NRXN1: variants seen among roughly 807,000 people sequenced by gnomAD.
NRXN1 encodes the protein neurexin 1, also known as neurexin-1.
NRXN1 carries 39 observed loss-of-function variants against 150.9 expected under a neutral mutation model. That is an observed-to-expected ratio of 0.26 (90% CI 0.20 to 0.34). The LOEUF is 0.34. NRXN1 is among the 10% of genes least tolerant of loss of function. NRXN1 has a pLI of 1.00. For missense variants in NRXN1, 1,815 were observed against 1,949.9 expected (o/e 0.93, Z 1.30); for synonymous variants, 924 against 757.0 (o/e 1.22, Z -3.62).
chr2:50,965,822 AT>A (rs970296429), intron 2 of NRXN1, among the ~76,000 whole-genome samples: 1 of 151,554 alleles, frequency 6.6e-6, no homozygotes, highest in African/African-American at 2.4e-5. Context: ...TAAGAATGTG[AT>A]TTTCTAGTTA....
chr2:50,240,918 T>C (rs1317019784), intron 17 of NRXN1, among the ~76,000 whole-genome samples: 3 of 151,712 alleles, frequency 2.0e-5, no homozygotes, highest in East Asian at 1.9e-4. Context: ...TAATGAACAC[T>C]GTAACATTGT....
At chr2:50,950,659 C>G (rs1361411823) in intron 2 of NRXN1, among the ~76,000 whole-genome samples, 2 of 152,158 alleles carry the variant, frequency 1.3e-5, no homozygotes, top group Admixed American at 1.3e-4. Context: ...CAAATTCACC[C>G]CCAATTCTAA....
intron 5 of NRXN1, among the ~76,000 whole-genome samples, chr2:50,839,106 A>G (rs1213651434): frequency 1.3e-5 from 2 of 152,174 alleles, no homozygotes; most frequent in Non-Finnish European, 2.9e-5. Context: ...AAGTTCATCA[A>G]GTTAATTCCT....
At chr2:50,109,196 C>A (rs1702052535) in intron 18 of NRXN1, among the ~76,000 whole-genome samples, 2 of 152,226 alleles carry the variant, frequency 1.3e-5, no homozygotes, top group South Asian at 2.1e-4. Context: ...TGAACAATGG[C>A]AGTCTGCGAA....
intron 22 of NRXN1, among the ~76,000 whole-genome samples, chr2:49,939,601 C>T (rs1671629557): frequency 6.6e-6 from 1 of 152,158 alleles, no homozygotes; most frequent in Non-Finnish European, 1.5e-5. Context: ...TTTTAACATG[C>T]ACAGTTCCCA....
chr2:50,864,283 A>C (rs1482684457), intron 5 of NRXN1, among the ~76,000 whole-genome samples: 1 of 151,974 alleles, frequency 6.6e-6, no homozygotes, highest in African/African-American at 2.4e-5. Context: ...CATGTATCTG[A>C]TCATCATAAA....
At chr2:51,000,721 A>G (rs1490180893) in intron 2 of NRXN1, among the ~76,000 whole-genome samples, 5 of 151,930 alleles carry the variant, frequency 3.3e-5, no homozygotes, top group Non-Finnish European at 7.4e-5. Flanking sequence ...TAATTTTAAT[A>G]TTACAAATGA....
chr2:50,958,323 T>A (rs1046119824), intron 2 of NRXN1, among the ~76,000 whole-genome samples: 2 of 152,124 alleles, frequency 1.3e-5, no homozygotes, highest in Admixed American at 6.6e-5. Context: ...CACCAGAAAC[T>A]CTCAAACGAC....
intron 17 of NRXN1, among the ~76,000 whole-genome samples, chr2:50,459,824 A>C (rs2087978255): frequency 6.6e-6 from 1 of 152,100 alleles, no homozygotes; most frequent in South Asian, 2.1e-4. Context: ...TTTTTAGAGA[A>C]GTAAAATCTA....
In NRXN1 at chr2:50,649,183, G is replaced by C. The variant is rs1685226454; in HGVS notation, c.833-25568C>G. ...TCAAATTTTGGATAGTTTGAATTAT[G>C]TATTAGTTGGGAGGTTCTTCTTTCA... On this transcript the variant is annotated intron_variant, in intron 5 of 22. Transcript: ENST00000401669. 2.4e-5 allele frequency among the ~76,000 whole-genome samples: 3 copies of C among 126,084 alleles called. No individual in the cohort carries two copies. In the South Asian group the frequency reaches 9.0e-4, roughly 38 times the overall value. 82.7% of individuals were successfully genotyped at this position (126,084 alleles called of 152,430 possible). A position where few individuals can be genotyped will look rare whatever the true frequency, so the allele number is the denominator to read the frequency against.
At chr2:50,395,060 A>C (rs1402588447) in intron 17 of NRXN1, among the ~76,000 whole-genome samples, 1 of 151,588 alleles carries the variant, frequency 6.6e-6, no homozygotes. Context: ...ACTTTTTCCC[A>C]TTTCCCTGCT....
chr2:50,278,114 G>T (rs71407588), intron 17 of NRXN1, among the ~76,000 whole-genome samples: 7,374 of 130,660 alleles, frequency 0.056, 300 homozygotes, highest in Middle Eastern at 0.11. Flanking sequence ...TGTTACCCAG[G>T]CTGGAGGGCA....
At chr2:50,959,765 C>T (rs1020280942) in intron 2 of NRXN1, among the ~76,000 whole-genome samples, 1 of 152,064 alleles carries the variant, frequency 6.6e-6, no homozygotes, top group African/African-American at 2.4e-5. Flanking sequence ...GTTATGCACA[C>T]ATACACACAT....
At chr2:50,113,143 T>C (rs1038944071) in intron 18 of NRXN1, among the ~76,000 whole-genome samples, 1 of 152,228 alleles carries the variant, frequency 6.6e-6, no homozygotes, top group African/African-American at 2.4e-5. Context: ...CAACACATCC[T>C]TCAATCCCTA....
chr2:50,280,573 T>A lies in NRXN1; in HGVS notation c.3365-43603A>T, dbSNP rs183782442. ...ATCTATTGGAAGCTCAGCCTCCTCATCTGTAAAGCGGGAGTAACAAAGGCC... is the reference window on the plus strand; with the variant it reads ...ATCTATTGGAAGCTCAGCCTCCTCAACTGTAAAGCGGGAGTAACAAAGGCC... On this transcript the variant is annotated intron_variant, in intron 17 of 22. Coordinates refer to ENST00000401669, the MANE Select transcript of NRXN1 (RefSeq NM_001330078.2). Among the ~76,000 whole-genome samples the A allele has an allele frequency of 2.4e-3, 363 of 152,236 alleles. 1 individual carries two copies. The highest frequency in any genetic ancestry group is 3.9e-3 in the Non-Finnish European group (263 of 67,994).
intron 2 of NRXN1, among the ~76,000 whole-genome samples, chr2:50,987,258 A>T (rs1697866052): frequency 6.6e-6 from 1 of 151,992 alleles, no homozygotes; most frequent in Admixed American, 6.6e-5. Context: ...AAGTTAGTAC[A>T]ATAATTCAAT....
At chr2:50,988,405 T>C (rs1331803736) in intron 2 of NRXN1, among the ~76,000 whole-genome samples, 2 of 152,010 alleles carry the variant, frequency 1.3e-5, no homozygotes, top group African/African-American at 4.8e-5. Flanking sequence ...TGGCTTTTAC[T>C]ACTATGACAA....
At chr2:50,576,383 A>G (rs899657367) in intron 8 of NRXN1, among the ~76,000 whole-genome samples, 2 of 152,066 alleles carry the variant, frequency 1.3e-5, no homozygotes, top group Admixed American at 6.5e-5. Context: ...TCTAGTGTCC[A>G]ATATAAAACA....
intron 18 of NRXN1, among the ~76,000 whole-genome samples, chr2:50,223,819 A>G (rs2064111822): frequency 6.6e-6 from 1 of 151,956 alleles, no homozygotes; most frequent in South Asian, 2.1e-4. Flanking sequence ...AGGTCAAGAC[A>G]TTGAGGCTTT....
Sources: allele counts gnomAD v4.1 joint callset (sites outside exome capture counted in the v4.1 genomes callset), GRCh38; gene constraint gnomAD v4.1.1; transcripts MANE v1.5; gene names NCBI Gene and HGNC (gene_info 2026-07-23, HGNC 2026-07-21).